The following C8A variants were observed in gnomAD, a reference collection of about 807,000 sequenced individuals.
C8A encodes complement component C8 alpha chain.
C8A carries 67 observed loss-of-function variants against 65.3 expected under a neutral mutation model. That is an observed-to-expected ratio of 1.03 (90% CI 0.84 to 1.26). The LOEUF (loss-of-function observed/expected upper bound fraction) is 1.26, where lower values mean the gene tolerates loss of function less well. Among genes scored for constraint, C8A ranks in the 50% most tolerant of loss-of-function variants. The pLI, the probability that C8A is intolerant of heterozygous loss-of-function variation, is 0.00. For missense variants in C8A, 781 were observed against 723.9 expected (o/e 1.08, Z -0.90); for synonymous variants, 290 against 259.4 (o/e 1.12, Z -1.13).
chr1:56,893,627 C>T (rs768357669), intron 7 of C8A, among the ~76,000 whole-genome samples: 1 of 152,128 alleles, frequency 6.6e-6, no homozygotes, highest in Admixed American at 6.6e-5. Context: ...TGGTTGGAAA[C>T]ATGGACCCTG....
intron 9 of C8A, among the ~76,000 whole-genome samples, chr1:56,910,950 C>T (rs2101307078): frequency 6.6e-6 from 1 of 152,228 alleles, no homozygotes; most frequent in East Asian, 1.9e-4. Context: ...CCTCAGGTTC[C>T]TCTCCTTAAA....
chr1:56,881,469 T>C lies in C8A; in HGVS notation c.489T>C (p.Asp163=). The C allele has an allele frequency of 6.2e-7, 1 of 1,613,672 alleles. No individual in the cohort carries two copies. Among genetic ancestry groups the C allele is most frequent in the Non-Finnish European group, 8.5e-7 (1 of 1,179,690 alleles). ...GGTACAATATCCTGACCCAGGAAGA[T>C]GCTCAGAGTGTGTACGATGCCAGTT... is the stretch of plus-strand genomic sequence containing the variant. The part of the protein sequence containing the change: ...ALGYNILTQE[D]AQSVYDASYY... The change falls in exon 5 of 11, where the codon GAT becomes GAC. Residue 163 remains aspartate, a synonymous_variant. Transcript: ENST00000361249.
At chr1:56,879,704 C>T (rs1301350790) in intron 4 of C8A, among the ~76,000 whole-genome samples, 4 of 152,136 alleles carry the variant, frequency 2.6e-5, no homozygotes, top group South Asian at 2.1e-4. Context: ...GAAAGCTAAA[C>T]GTCTAGTAGA....
At chr1:56,907,932 T>G (rs771139120) in intron 8 of C8A, 24 bp from the exon 9 acceptor site, 1 of 1,614,014 alleles carries the variant, frequency 6.2e-7, no homozygotes, top group Admixed American at 1.7e-5. Flanking sequence ...AATGAGTTAA[T>G]GCAGTTTATC....
intron 7 of C8A, among the ~76,000 whole-genome samples, chr1:56,906,167 C>T (rs1644462633): frequency 6.6e-6 from 1 of 151,930 alleles, no homozygotes; most frequent in Non-Finnish European, 1.5e-5. Flanking sequence ...ACATCGGTAG[C>T]TCTGAAAAAA....
intron 7 of C8A, among the ~76,000 whole-genome samples, chr1:56,891,959 T>A (rs2101263163): frequency 6.6e-6 from 1 of 152,286 alleles, no homozygotes; most frequent in Admixed American, 6.5e-5. Context: ...CCTATTGTCC[T>A]TGGGGTATTT....
intron 7 of C8A, among the ~76,000 whole-genome samples, chr1:56,904,925 T>C (rs368795542): frequency 6.6e-6 from 1 of 152,174 alleles, no homozygotes; most frequent in Non-Finnish European, 1.5e-5. Context: ...ACAACAGGCA[T>C]CCTCCAGCCC....
At chr1:56,906,610 A>G in intron 7 of C8A, 57 bp from the exon 8 acceptor site, 1 of 1,606,568 alleles carries the variant, frequency 6.2e-7, no homozygotes, top group Non-Finnish European at 8.5e-7. Context: ...TAGTTGTACC[A>G]TGTCAAGTGT....
At chr1:56,857,069 G>A (rs1364398364) in intron 1 of C8A, among the ~76,000 whole-genome samples, 2 of 151,990 alleles carry the variant, frequency 1.3e-5, no homozygotes, top group Admixed American at 6.6e-5. Context: ...TTTTTACTAA[G>A]AGTGTGATCA....
intron 1 of C8A, among the ~76,000 whole-genome samples, chr1:56,855,418 T>A (rs1643964346): frequency 6.6e-6 from 1 of 152,158 alleles, no homozygotes; most frequent in Admixed American, 6.6e-5. Context: ...AAGAGCATCA[T>A]AAGAGTGCTG....
chr1:56,894,147 A>G lies in C8A; in HGVS notation c.1096+7980A>G, dbSNP rs565496493. 2.6e-5 allele frequency among the ~76,000 whole-genome samples: 4 copies of G among 152,256 alleles called. No individual in the cohort carries two copies. The East Asian group carries it at 7.7e-4, about 29-fold the overall frequency. On this transcript the variant is annotated intron_variant, in intron 7 of 10. Coordinates refer to ENST00000361249, the MANE Select transcript of C8A (RefSeq NM_000562.3). ...TTCTCTCATCTGTAAAGTGGGGATA[A>G]GAGGAAGATCCATCTCCCAGAGTTC...
Position 56,889,174 on chromosome 1 carries a change from T to C in C8A, c.1096+3007T>C, listed in dbSNP as rs181832393. Among the ~76,000 whole-genome samples the C allele has an allele frequency of 5.3e-5, 8 of 152,306 alleles. No homozygotes were observed. In the East Asian group the frequency reaches 1.5e-3, roughly 29 times the overall value. On this transcript the variant is annotated intron_variant, in intron 7 of 10. Transcript: ENST00000361249. ...ACCATATGTCGATAATAGCACAATT[T>C]GCTATTTGTGAAGAGCTGATTTTCT...
intron 1 of C8A, among the ~76,000 whole-genome samples, chr1:56,857,457 C>T (rs775653747): frequency 6.6e-6 from 1 of 151,852 alleles, no homozygotes; most frequent in Non-Finnish European, 1.5e-5. Flanking sequence ...GTTATGCTTG[C>T]TTTCTTATGA....
chr1:56,873,326 C>G (rs1193147259), intron 2 of C8A, among the ~76,000 whole-genome samples: 1 of 152,172 alleles, frequency 6.6e-6, no homozygotes, highest in African/African-American at 2.4e-5. Flanking sequence ...TACACATTCT[C>G]TTACTCAGAG....
rs1036578051 is a variant in C8A, at chr1:56,854,956, A to G, written c.55A>G (p.Thr19Ala). 6.2e-7 allele frequency: 1 copy of G among 1,613,738 alleles called. No homozygotes were observed. The highest frequency in any genetic ancestry group is 1.3e-5 in the African/African-American group (1 of 75,022). Residue 19 changes from threonine to alanine, a missense_variant, in exon 1 of 11, where the codon ACT becomes GCT. Transcript: ENST00000361249. The stretch of plus-strand genomic sequence containing the variant: ...TTTGATGACTTGTCAGCCTGGGGTA[A>G]CTGCACAGGAGAAGGTGAACCAGTA... ...LSLMTCQPGV[T>A]AQEKVNQRVR...
At chr1:56,903,984 G>A (rs533556417) in intron 7 of C8A, among the ~76,000 whole-genome samples, 123 of 152,292 alleles carry the variant, frequency 8.1e-4, no homozygotes, top group African/African-American at 2.8e-3. Context: ...CCTAAGGAGT[G>A]CAGCCTGATG....
chr1:56,917,558 T>A lies in C8A; in HGVS notation c.1604-7T>A. ...ACCTTCTCCTCCCTGGGAAATTTCC[T>A]CTGCAGGAGCCAAAGCAGATGGGAG... On this transcript the variant is annotated splice_polypyrimidine_tract_variant and splice_region_variant and intron_variant, in intron 10 of 10. Transcript: ENST00000361249. 1 of 1,614,140 alleles carries A rather than the reference T, an allele frequency of 6.2e-7. No individual in the cohort carries two copies. The highest frequency in any genetic ancestry group is 8.5e-7 in the Non-Finnish European group (1 of 1,180,008).
chr1:56,906,162 G>T (rs369012597), intron 7 of C8A, among the ~76,000 whole-genome samples: 3 of 152,062 alleles, frequency 2.0e-5, no homozygotes, highest in African/African-American at 7.2e-5. Context: ...AGAGAACATC[G>T]GTAGCTCTGA....
intron 4 of C8A, among the ~76,000 whole-genome samples, chr1:56,878,590 C>T (rs1644221634): frequency 1.3e-5 from 2 of 152,172 alleles, no homozygotes; most frequent in African/African-American, 4.8e-5. Context: ...CTATTTATCT[C>T]AGATCTCAAA....
Sources: allele counts gnomAD v4.1 joint callset (sites outside exome capture counted in the v4.1 genomes callset), GRCh38; gene constraint gnomAD v4.1.1; transcripts MANE v1.5; gene names NCBI Gene and HGNC (gene_info 2026-07-23, HGNC 2026-07-21).